The following NYAP2 variants were observed in gnomAD, a reference collection of about 807,000 sequenced individuals.
NYAP2 encodes neuronal tyrosine-phosphorylated phosphoinositide-3-kinase adapter 2.
NYAP2 carries 23 observed loss-of-function variants against 50.4 expected under a neutral mutation model. That is an observed-to-expected ratio of 0.46 (90% CI 0.33 to 0.65). NYAP2 has a LOEUF of 0.65. NYAP2 is among the 30% of genes least tolerant of loss of function. The pLI is 0.02. For missense variants in NYAP2, 885 were observed against 861.0 expected (o/e 1.03, Z -0.35); for synonymous variants, 394 against 365.2 (o/e 1.08, Z -0.90).
At chr2:225,595,996 A>G (rs1434608136) in intron 5 of NYAP2, among the ~76,000 whole-genome samples, 2 of 152,084 alleles carry the variant, frequency 1.3e-5, no homozygotes, top group Non-Finnish European at 2.9e-5. Flanking sequence ...AACATCTGAT[A>G]TTGTTGATTA....
intron 4 of NYAP2, among the ~76,000 whole-genome samples, chr2:225,565,582 G>C (rs182238527): frequency 6.6e-6 from 1 of 152,256 alleles, no homozygotes; most frequent in African/African-American, 2.4e-5. Flanking sequence ...ATGTGTAAAA[G>C]CATATGCTCT....
the NYAP2 span, chr2:225,699,934 C>T: frequency 2.6e-5 from 4 of 151,700 alleles, no homozygotes; most frequent in African/African-American, 9.7e-5. Flanking sequence ...CTATTTATGC[C>T]TCCTAAAATT....
intron 2 of NYAP2, among the ~76,000 whole-genome samples, chr2:225,406,952 A>AT (rs1255127817): frequency 6.6e-6 from 1 of 152,058 alleles, no homozygotes; most frequent in Non-Finnish European, 1.5e-5. Context: ...CCTTTGGGTA[A>AT]TAATGCCTTA....
chr2:225,684,143 C>A, the NYAP2 span, among the ~76,000 whole-genome samples: 3 of 152,144 alleles, frequency 2.0e-5, no homozygotes, highest in African/African-American at 7.2e-5. Flanking sequence ...GTCAGAGAGA[C>A]ACAAACTCCA....
the NYAP2 span, among the ~76,000 whole-genome samples, chr2:225,674,059 G>T: frequency 0.95 from 144,919 of 152,182 alleles, 69,107 homozygotes; most frequent in African/African-American, 0.99. Flanking sequence ...CTTGGAGTCT[G>T]AAATCGCCTG....
intron 6 of NYAP2, among the ~76,000 whole-genome samples, chr2:225,639,622 T>C (rs1693490696): frequency 6.6e-6 from 1 of 152,126 alleles, no homozygotes; most frequent in Non-Finnish European, 1.5e-5. Flanking sequence ...TTAGGCTGGG[T>C]TTCTCTATTT....
rs533777798 is a variant in NYAP2 at position 225,513,258 on chromosome 2, C to T, written c.222-113C>T. The T allele has an allele frequency of 7.0e-5, 64 of 911,160 alleles. 1 individual carries two copies. The African/African-American group carries it at 7.4e-4, about 10-fold the overall frequency. The allele number at this position is 911,160 out of a possible 1,614,324, so 56.4% of individuals were successfully genotyped here. On this transcript the variant is annotated intron_variant, in intron 3 of 6. Transcript: ENST00000636099. Reference sequence around the variant, plus strand: ...TTTGTTTTAAAAGGCAGCATTTCACCGGACTAAAATGAAGATTTGAAATTT... The same window carrying T: ...TTTGTTTTAAAAGGCAGCATTTCACTGGACTAAAATGAAGATTTGAAATTT...
intron 3 of NYAP2, among the ~76,000 whole-genome samples, chr2:225,439,559 G>A (rs1357973906): frequency 2.0e-5 from 3 of 152,156 alleles, no homozygotes; most frequent in Non-Finnish European, 2.9e-5. Context: ...AGGACACCAA[G>A]GCAATGAGAG....
chr2:225,605,680 T>C lies in NYAP2; in HGVS notation c.1619-21237T>C, dbSNP rs556297035. Among the ~76,000 whole-genome samples the C allele has an allele frequency of 4.1e-4, 62 of 152,086 alleles. 1 individual carries two copies. On this transcript the variant is annotated intron_variant, in intron 5 of 6. Transcript: ENST00000636099. ...TAATGTAAATAAATAAATAAATAAA[T>C]AAATGATGGCAATCATCTTCAAACT...
the NYAP2 span, among the ~76,000 whole-genome samples, chr2:225,682,475 T>G: frequency 6.6e-6 from 1 of 152,194 alleles, no homozygotes; most frequent in Non-Finnish European, 1.5e-5. Flanking sequence ...AAAACACTCA[T>G]AGCCTCCTGC....
chr2:225,583,601 C>T (rs561066460), intron 5 of NYAP2, among the ~76,000 whole-genome samples: 2 of 150,658 alleles, frequency 1.3e-5, no homozygotes, highest in South Asian at 4.2e-4. Flanking sequence ...CTTACAATGG[C>T]CCTGGAAAGT....
chr2:225,561,228 G>A (rs1020046595), intron 4 of NYAP2, among the ~76,000 whole-genome samples: 2 of 152,106 alleles, frequency 1.3e-5, no homozygotes, highest in Non-Finnish European at 2.9e-5. Flanking sequence ...AACCCTCAGT[G>A]ATGAGGTGAT....
At chr2:225,437,778 C>T (rs565194371) in intron 3 of NYAP2, among the ~76,000 whole-genome samples, 1 of 152,328 alleles carries the variant, frequency 6.6e-6, no homozygotes, top group South Asian at 2.1e-4. Flanking sequence ...AGGTGACCAA[C>T]ATGAAACAGC....
At chr2:225,442,228 AC>A (rs1227378774) in intron 3 of NYAP2, among the ~76,000 whole-genome samples, 1 of 152,200 alleles carries the variant, frequency 6.6e-6, no homozygotes. Context: ...ATGGAAAAAT[AC>A]AAAATTCAGA....
intron 3 of NYAP2, among the ~76,000 whole-genome samples, chr2:225,467,937 A>T (rs1004036101): frequency 1.3e-5 from 2 of 152,198 alleles, no homozygotes; most frequent in African/African-American, 4.8e-5. Context: ...AAGCAGACAT[A>T]GTGAGTACTC....
At chr2:225,519,108 T>A (rs1392222369) in intron 4 of NYAP2, among the ~76,000 whole-genome samples, 7 of 152,012 alleles carry the variant, frequency 4.6e-5, no homozygotes, top group Non-Finnish European at 8.8e-5. Flanking sequence ...GTTGTAATAA[T>A]CTTTTAACAA....
chr2:225,701,858 A>G, the NYAP2 span: 1 of 151,898 alleles, frequency 6.6e-6, no homozygotes, highest in Admixed American at 6.6e-5. Flanking sequence ...GAATGTTTTT[A>G]TTACTACATT....
chr2:225,501,129 T>A (rs1019015199), intron 3 of NYAP2, among the ~76,000 whole-genome samples: 19 of 152,238 alleles, frequency 1.2e-4, no homozygotes, highest in Admixed American at 2.6e-4. Context: ...GTTGTTTGGC[T>A]CTTTCTCAAA....
At chr2:225,490,689 CAG>C (rs2106170782) in intron 3 of NYAP2, among the ~76,000 whole-genome samples, 1 of 152,314 alleles carries the variant, frequency 6.6e-6, no homozygotes. Flanking sequence ...AGGGCTGACT[CAG>C]AGAGGAACCT....
Sources: allele counts gnomAD v4.1 joint callset (sites outside exome capture counted in the v4.1 genomes callset), GRCh38; gene constraint gnomAD v4.1.1; transcripts MANE v1.5; gene names NCBI Gene and HGNC (gene_info 2026-07-23, HGNC 2026-07-21).